Variants in RETREG1 observed in about 807,000 individuals in gnomAD.
The protein encoded by RETREG1 is reticulophagy regulator 1, also known as family with sequence similarity 134 member B.
Under a neutral mutation model 54.8 loss-of-function variants are expected in RETREG1, and 44 were observed. That is an observed-to-expected ratio of 0.80 (90% CI 0.63 to 1.03). The LOEUF (loss-of-function observed/expected upper bound fraction) is 1.03, where lower values mean the gene tolerates loss of function less well. RETREG1 is among the 50% of genes least tolerant of loss of function. RETREG1 has a pLI of 0.00. For synonymous variants in RETREG1, 217 were observed against 238.5 expected (o/e 0.91, Z 0.83); for missense variants, 554 against 605.1 (o/e 0.92, Z 0.89).
chr5:16,475,334 A>G, intron 8 of RETREG1, 100 bp from the exon 9 acceptor site: 4 of 1,388,506 alleles, frequency 2.9e-6, no homozygotes, highest in Non-Finnish European at 4.0e-6. Flanking sequence ...ACCCTCTGGC[A>G]ACCTTGGCAT....
chr5:16,508,279 A>G (rs1162495001), intron 3 of RETREG1, among the ~76,000 whole-genome samples: 1 of 152,222 alleles, frequency 6.6e-6, no homozygotes, highest in African/African-American at 2.4e-5. Context: ...CAACATTAAA[A>G]CATTCAAGTA....
intron 3 of RETREG1, chr5:16,508,687 A>G: frequency 6.2e-7 from 1 of 1,608,984 alleles, no homozygotes. Flanking sequence ...GCCAAACAAT[A>G]GTTTCTTTTC....
intron 3 of RETREG1, among the ~76,000 whole-genome samples, chr5:16,535,328 T>C (rs988662413): frequency 4.6e-5 from 7 of 152,166 alleles, no homozygotes; most frequent in African/African-American, 1.7e-4. Context: ...GGAGTTCCTG[T>C]GTGCACGCTG....
chr5:16,504,439 G>T (rs576616295), intron 3 of RETREG1, among the ~76,000 whole-genome samples: 1 of 152,274 alleles, frequency 6.6e-6, no homozygotes, highest in East Asian at 1.9e-4. Flanking sequence ...AAATGCTAAA[G>T]ATCAGGTTTT....
chr5:16,499,939 C>A (rs1484147971), intron 3 of RETREG1, among the ~76,000 whole-genome samples: 3 of 152,224 alleles, frequency 2.0e-5, no homozygotes, highest in Admixed American at 6.5e-5. Flanking sequence ...CAACTAAGGG[C>A]CACAGAGCAA....
At chr5:16,525,752 G>GTA (rs908263257) in intron 3 of RETREG1, among the ~76,000 whole-genome samples, 47 of 114,952 alleles carry the variant, frequency 4.1e-4, no homozygotes, top group African/African-American at 1.4e-3. Context: ...AATAGGCTGT[G>GTA]TATATATATA....
intron 1 of RETREG1, among the ~76,000 whole-genome samples, chr5:16,603,336 G>T (rs959427964): frequency 6.6e-6 from 1 of 152,084 alleles, no homozygotes; most frequent in Non-Finnish European, 1.5e-5. Flanking sequence ...TTTAAGATTA[G>T]AAAAACAAAC....
intron 3 of RETREG1, among the ~76,000 whole-genome samples, chr5:16,558,134 ACT>A (rs1330181135): frequency 6.6e-6 from 1 of 152,188 alleles, no homozygotes; most frequent in Non-Finnish European, 1.5e-5. Flanking sequence ...ATGGTGCATG[ACT>A]GTAGTCTCAT....
chr5:16,483,442 T>G lies in RETREG1; in HGVS notation c.489A>C (p.Glu163Asp), dbSNP rs558646113. Residue 163 changes from glutamate (E) to aspartate (D), a missense_variant, in exon 4 of 9, where the codon GAA becomes GAC. Around this residue, in one of 4 missense-constraint regions of RETREG1, gnomAD observed 347 missense variants for 412.3 expected, o/e 0.84. Coordinates refer to ENST00000306320, the MANE Select transcript of RETREG1 (RefSeq NM_001034850.3). ...SWEVINSKPD[E>D]RPRLSHCIAE... is the part of the protein sequence containing the mutation. ...CAATACAGTGGCTGAGCCTGGGTCTTTCATCTGGTTTGGAATTGATAACTT... is the reference window on the plus strand; with the variant it reads ...CAATACAGTGGCTGAGCCTGGGTCTGTCATCTGGTTTGGAATTGATAACTT... The G allele has an allele frequency of 1.1e-5, 17 of 1,613,284 alleles. No individual in the cohort carries two copies. The African/African-American group carries it at 2.3e-4, about 22-fold the overall frequency.
intron 1 of RETREG1, among the ~76,000 whole-genome samples, chr5:16,586,389 T>C (rs923092582): frequency 5.9e-5 from 9 of 152,182 alleles, no homozygotes; most frequent in African/African-American, 1.9e-4. Flanking sequence ...TGCCTCGGTA[T>C]TTTCATCTTT....
In RETREG1 at chr5:16,473,346, C is replaced by T. The variant is rs532979196; in HGVS notation, c.*1395G>A. The T allele has an allele frequency of 2.0e-5, 3 of 152,446 alleles. No homozygotes were observed. The highest frequency in any genetic ancestry group is 4.4e-5 in the Non-Finnish European group (3 of 67,988). The allele number at this position is 152,446 out of a possible 1,614,324, so 9.4% of individuals were successfully genotyped here. A position where few individuals can be genotyped will look rare whatever the true frequency, so the allele number is the denominator to read the frequency against. On this transcript the variant is annotated 3_prime_UTR_variant, in exon 9 of 9. Coordinates refer to ENST00000306320, the MANE Select transcript of RETREG1 (RefSeq NM_001034850.3). ...AAAACTCAGTCCAGATATTTTAATACCTCAGAAAGAAAAAATAAATAAGAG... is the reference window on the plus strand; with the variant it reads ...AAAACTCAGTCCAGATATTTTAATATCTCAGAAAGAAAAAATAAATAAGAG...
chr5:16,568,573 G>A (rs560093057), intron 2 of RETREG1, among the ~76,000 whole-genome samples: 8 of 152,116 alleles, frequency 5.3e-5, no homozygotes, highest in Non-Finnish European at 1.2e-4. Flanking sequence ...CACTGCACCC[G>A]GCCTCATCCA....
chr5:16,570,139 T>C (rs866285774), intron 2 of RETREG1, among the ~76,000 whole-genome samples: 17 of 152,378 alleles, frequency 1.1e-4, no homozygotes, highest in Middle Eastern at 6.8e-3. Flanking sequence ...CAGAAACAAA[T>C]GCAGTCTATC....
intron 3 of RETREG1, among the ~76,000 whole-genome samples, chr5:16,525,375 C>T (rs1020113043): frequency 6.6e-6 from 1 of 152,122 alleles, no homozygotes; most frequent in African/African-American, 2.4e-5. Context: ...ATGCTCAAGC[C>T]CCTTTCTCCC....
At chr5:16,489,951 T>A (rs1257240697) in intron 3 of RETREG1, among the ~76,000 whole-genome samples, 1 of 152,248 alleles carries the variant, frequency 6.6e-6, no homozygotes, top group East Asian at 1.9e-4. Flanking sequence ...AAAGTGTTTT[T>A]ACAACTCAGT....
chr5:16,511,401 A>G (rs949736116), intron 3 of RETREG1, among the ~76,000 whole-genome samples: 1 of 152,162 alleles, frequency 6.6e-6, no homozygotes, highest in African/African-American at 2.4e-5. Flanking sequence ...TGTTTAAGGT[A>G]GGCTAGATTA....
chr5:16,514,357 A>G (rs1740277899), intron 3 of RETREG1, among the ~76,000 whole-genome samples: 1 of 152,224 alleles, frequency 6.6e-6, no homozygotes, highest in African/African-American at 2.4e-5. Flanking sequence ...TTTGGCCCAA[A>G]GAAGGCCTGC....
At chr5:16,573,658 C>T (rs1353068227) in intron 1 of RETREG1, among the ~76,000 whole-genome samples, 1 of 147,218 alleles carries the variant, frequency 6.8e-6, no homozygotes, top group East Asian at 2.0e-4. Context: ...CAAGGAGAGG[C>T]ACAGGGAGAG....
At chr5:16,616,354 GT>G (rs1320113174) in intron 1 of RETREG1, 2 of 404,202 alleles carry the variant, frequency 4.9e-6, no homozygotes, top group African/African-American at 2.1e-5. Flanking sequence ...CAGGGGCGAA[GT>G]TTTCAAGCAC....
Sources: gnomAD v4.1 joint callset for allele counts (sites outside exome capture counted in the v4.1 genomes callset) on GRCh38, gnomAD v4.1.1 for gene constraint, gnomAD v4.1.1 regional missense constraint, MANE v1.5 for transcripts, NCBI Gene and HGNC (gene_info 2026-07-23, HGNC 2026-07-21) for gene names.